The following NHSL2 variants were observed in gnomAD, a reference collection of about 807,000 sequenced individuals.
NHSL2 encodes the protein NHS-like protein 2.
A neutral mutation model predicts 53.4 loss-of-function variants in NHSL2; 27 were observed. The observed-to-expected ratio is 0.51, with a 90% CI of 0.37 to 0.70. The LOEUF is 0.70. Ranked by LOEUF, NHSL2 falls within the 30% of genes least tolerant of loss-of-function variation. The probability of loss-of-function intolerance (pLI) is 0.00; values close to 1 mark genes in which losing one functional copy is unlikely to be tolerated. For synonymous variants in NHSL2, 408 were observed against 404.1 expected, an observed-to-expected ratio of 1.01 and a Z score of -0.12; for missense variants, 892 against 980.1, an observed-to-expected ratio of 0.91 and a Z score of 1.20.
chrX:71,921,028 C>T (rs974167177), intron 1 of NHSL2, among the ~76,000 whole-genome samples: 2 of 109,192 alleles, frequency 1.8e-5, no homozygotes, highest in Non-Finnish European at 3.8e-5. Flanking sequence ...TGGTCTTGAA[C>T]TCCTGACCTC....
chrX:71,963,973 ACATATATATATATATATATG>A lies in NHSL2; in HGVS notation c.280+52607_280+52626del, dbSNP rs1569467021. Among the ~76,000 whole-genome samples, 170 of 44,334 alleles carry A rather than the reference ACATATATATATATATATATG, an allele frequency of 3.8e-3. 2 individuals carry two copies. Among genetic ancestry groups the A allele is most frequent in the East Asian group, 8.5e-3 (8 of 939 alleles). 38.5% of individuals were successfully genotyped at this position (44,334 alleles called of 115,157 possible). A position where few individuals can be genotyped will look rare whatever the true frequency, so the allele number is the denominator to read the frequency against. On this transcript the variant is annotated intron_variant, in intron 1 of 7. Coordinates refer to ENST00000633930, the MANE Select transcript of NHSL2 (RefSeq NM_001013627.3). ...GCTATATATATACACATATATATAT[ACATATATATATATATATATG>A]TATATACATATATATATGTATATAT...
chrX:72,078,222 C>T (rs1341228855), intron 1 of NHSL2, among the ~76,000 whole-genome samples: 1 of 112,176 alleles, frequency 8.9e-6, no homozygotes, highest in Non-Finnish European at 1.9e-5. Context: ...GCTAATCTGC[C>T]AATGTGAGGG....
In NHSL2 at chrX:72,140,715, G is replaced by A; in HGVS notation, c.3167G>A (p.Gly1056Asp). ...ACCGGCGATGACCTGCAATCACTTG[G>A]TCAAAGGGTGACTTCAACTCCTCAG... ...PATGDDLQSL[G>D]QRVTSTPQAD... Residue 1056 changes from glycine (G) to aspartate (D), a missense_variant, in exon 6 of 8, where the codon GGT becomes GAT. Gly to Asp is a moderately conservative substitution (Grantham distance 94). Transcript: ENST00000633930. 2.5e-6 allele frequency: 3 copies of A among 1,203,708 alleles called. No homozygotes were observed. Among genetic ancestry groups the A allele is most frequent in the Non-Finnish European group, 3.4e-6 (3 of 891,068 alleles).
chrX:72,075,053 A>G (rs1301049620), intron 1 of NHSL2, among the ~76,000 whole-genome samples: 1 of 112,273 alleles, frequency 8.9e-6, no homozygotes. Context: ...GCCAGCAAAC[A>G]CACTCGGAAG....
chrX:72,089,623 G>A (rs1468876389), intron 1 of NHSL2, among the ~76,000 whole-genome samples: 1 of 111,060 alleles, frequency 9.0e-6, no homozygotes, highest in Non-Finnish European at 1.9e-5. Flanking sequence ...CTTTCCAGAG[G>A]AAAGTGTGAA....
In NHSL2 at chrX:71,964,968, A is replaced by G. The variant is rs547073250; in HGVS notation, c.280+53601A>G. ...TTTAACAAATGTACCACTCTGGTGC[A>G]GGATGTTGATAGTGGAGGAGATTGG... On this transcript the variant is annotated intron_variant, in intron 1 of 7. Transcript: ENST00000633930. Among the ~76,000 whole-genome samples, 47 of 112,022 alleles carry G rather than the reference A, an allele frequency of 4.2e-4. No individual in the cohort carries two copies. The South Asian group carries it at 0.018, about 42-fold the overall frequency.
intron 1 of NHSL2, among the ~76,000 whole-genome samples, chrX:72,106,759 C>T (rs1305638847): frequency 3.6e-5 from 4 of 111,919 alleles, no homozygotes; most frequent in Non-Finnish European, 5.6e-5. Context: ...GTGGCACATA[C>T]ACACTATGGA....
At chrX:72,136,515 T>C (rs2147521062) in intron 4 of NHSL2, among the ~76,000 whole-genome samples, 1 of 112,210 alleles carries the variant, frequency 8.9e-6, no homozygotes, top group Non-Finnish European at 1.9e-5. Flanking sequence ...ATCACCATGC[T>C]GTGAGCCAGC....
intron 1 of NHSL2, among the ~76,000 whole-genome samples, chrX:72,104,302 A>T (rs1446173339): frequency 8.9e-6 from 1 of 112,861 alleles, no homozygotes. Flanking sequence ...TATGTTGCAA[A>T]TTTTAAGACA....
intron 1 of NHSL2, among the ~76,000 whole-genome samples, chrX:71,954,825 G>A (rs183513169): frequency 1.8e-5 from 2 of 112,490 alleles, no homozygotes; most frequent in East Asian, 5.6e-4. Flanking sequence ...CCTTTGTTTT[G>A]TTAGGGGCCT....
chrX:72,034,888 G>A (rs753222972), intron 1 of NHSL2, among the ~76,000 whole-genome samples: 5 of 110,822 alleles, frequency 4.5e-5, no homozygotes, highest in Admixed American at 9.5e-5. Context: ...GACTTTTCTC[G>A]ATTGCTTTCT....
At chrX:71,937,756 C>T (rs1328131463) in intron 1 of NHSL2, among the ~76,000 whole-genome samples, 3 of 111,813 alleles carry the variant, frequency 2.7e-5, no homozygotes, top group Admixed American at 1.9e-4. Flanking sequence ...AACTTTGTGC[C>T]GTGCTAAAAG....
In NHSL2 at chrX:72,129,752, G is replaced by C; in HGVS notation, c.281-2327G>C. The C allele has an allele frequency of 3.1e-6, 3 of 967,714 alleles. No individual in the cohort carries two copies. In the South Asian group the frequency reaches 7.0e-5, roughly 22 times the overall value. The allele number at this position is 967,714 out of a possible 1,213,427, so 79.8% of individuals were successfully genotyped here. ...CTCCCTGAAGTCCTGGTCAGCAAAT[G>C]GGGCAGGTATGGCAGCAATAGCAGG... On this transcript the variant is annotated intron_variant, in intron 1 of 7. Transcript: ENST00000633930.
chrX:72,107,842 G>A (rs894635146), intron 1 of NHSL2, among the ~76,000 whole-genome samples: 4 of 111,946 alleles, frequency 3.6e-5, no homozygotes, highest in Admixed American at 9.5e-5. Flanking sequence ...CATGTGAAGC[G>A]GAGAAGAGGC....
chrX:72,149,088 C>T lies in NHSL2; in HGVS notation c.*5514C>T, dbSNP rs891868375. The T allele has an allele frequency of 2.7e-5, 3 of 109,332 alleles. No homozygotes were observed. Among genetic ancestry groups the T allele is most frequent in the South Asian group, 3.9e-4 (1 of 2,538 alleles). 9.0% of individuals were successfully genotyped at this position (109,332 alleles called of 1,213,427 possible). A position where few individuals can be genotyped will look rare whatever the true frequency, so the allele number is the denominator to read the frequency against. On this transcript the variant is annotated 3_prime_UTR_variant, in exon 8 of 8. Transcript: ENST00000633930. ...AGGAGTCTCATGTTTTATGGGACTC[C>T]GGTGCATATGCTCGAAAAAAATTAA...
Position 72,148,238 on chromosome X carries a change from T to C in NHSL2, c.*4664T>C, listed in dbSNP as rs1040650313. ...GAAGAGTCTGTGAAAATATGTCCTGTTTGTGAAAGGTGAAACTGTCCAATC... is the reference window on the plus strand; with the variant it reads ...GAAGAGTCTGTGAAAATATGTCCTGCTTGTGAAAGGTGAAACTGTCCAATC... On this transcript the variant is annotated 3_prime_UTR_variant, in exon 8 of 8. Transcript: ENST00000633930. 2.7e-5 allele frequency: 3 copies of C among 112,253 alleles called. No individual in the cohort carries two copies. Among genetic ancestry groups the C allele is most frequent in the Non-Finnish European group, 5.6e-5 (3 of 53,270 alleles). The allele number at this position is 112,253 out of a possible 1,213,427, so 9.3% of individuals were successfully genotyped here. A position where few individuals can be genotyped will look rare whatever the true frequency, so the allele number is the denominator to read the frequency against.
At chrX:72,044,029 C>G (rs1047160405) in intron 1 of NHSL2, among the ~76,000 whole-genome samples, 2 of 111,848 alleles carry the variant, frequency 1.8e-5, no homozygotes, top group Non-Finnish European at 3.8e-5. Flanking sequence ...TGAAAGCTAC[C>G]AGGCTAGTTG....
rs1025479777 is a variant in NHSL2, at chrX:72,148,152, G to T, written c.*4578G>T. ...GCCTAGATCATTCATATTGTACATT[G>T]ACATTTTTACATAAATGGAATTAAT... On this transcript the variant is annotated 3_prime_UTR_variant, in exon 8 of 8. Transcript: ENST00000633930. 1.8e-5 allele frequency: 2 copies of T among 111,753 alleles called. No homozygotes were observed. The highest frequency in any genetic ancestry group is 3.8e-5 in the Non-Finnish European group (2 of 53,172). 9.2% of individuals were successfully genotyped at this position (111,753 alleles called of 1,213,427 possible). A position where few individuals can be genotyped will look rare whatever the true frequency, so the allele number is the denominator to read the frequency against.
intron 1 of NHSL2, among the ~76,000 whole-genome samples, chrX:71,931,685 G>A (rs2147822230): frequency 8.9e-6 from 1 of 112,276 alleles, no homozygotes; most frequent in African/African-American, 3.2e-5. Flanking sequence ...TAGGTGAATG[G>A]GTTTATTTCT....
Sources: allele counts gnomAD v4.1 joint callset (sites outside exome capture counted in the v4.1 genomes callset), GRCh38; gene constraint gnomAD v4.1.1; transcripts MANE v1.5; gene names NCBI Gene and HGNC (gene_info 2026-07-23, HGNC 2026-07-21).